The following SLC3A1 variants were observed in gnomAD, a reference collection of about 807,000 sequenced individuals.
SLC3A1 encodes the protein solute carrier family 3 member 1, also known as amino acid transporter heavy chain SLC3A1.
A neutral mutation model predicts 60.3 loss-of-function variants in SLC3A1; 78 were observed. The ratio of observed to expected loss-of-function variants is 1.29; its 90% confidence interval spans 1.08 to 1.56. SLC3A1 has a LOEUF of 1.56. Ranked by LOEUF, SLC3A1 falls within the 40% of genes most tolerant of loss-of-function variation. SLC3A1 has a pLI of 0.00. For missense variants in SLC3A1, 1,172 were observed against 858.9 expected (o/e 1.36, Z -4.56); for synonymous variants, 392 against 307.9 (o/e 1.27, Z -2.86).
At chr2:44,280,660 T>G in intron 1 of SLC3A1, 56 bp from the exon 2 acceptor site, 1 of 1,197,776 alleles carries the variant, frequency 8.3e-7, no homozygotes, top group Non-Finnish European at 1.2e-6. Flanking sequence ...TTATATTTTT[T>G]GTCCTTTAAC....
intron 9 of SLC3A1, chr2:44,319,249 A>G (rs780709367): frequency 2.6e-5 from 4 of 152,644 alleles, no homozygotes; most frequent in Non-Finnish European, 5.9e-5. Flanking sequence ...CATGGCTGGC[A>G]AGAATACAAT....
intron 8 of SLC3A1, among the ~76,000 whole-genome samples, chr2:44,313,534 A>G (rs1672349984): frequency 6.6e-6 from 1 of 152,238 alleles, no homozygotes; most frequent in African/African-American, 2.4e-5. Flanking sequence ...AACTGGCAAT[A>G]GCACATTTTG....
At chr2:44,276,666 G>C (rs1671348535) in intron 1 of SLC3A1, among the ~76,000 whole-genome samples, 1 of 151,672 alleles carries the variant, frequency 6.6e-6, no homozygotes, top group African/African-American at 2.4e-5. Context: ...CTCTCAGCCA[G>C]CCAGCTTAGG....
intron 7 of SLC3A1, among the ~76,000 whole-genome samples, chr2:44,311,094 C>T (rs999284045): frequency 6.6e-6 from 1 of 152,028 alleles, no homozygotes; most frequent in Non-Finnish European, 1.5e-5. Flanking sequence ...AGTGCCTGGC[C>T]TCATTCTTCT....
At chr2:44,307,965 A>G (rs2104376771) in intron 7 of SLC3A1, among the ~76,000 whole-genome samples, 1 of 152,216 alleles carries the variant, frequency 6.6e-6, no homozygotes, top group East Asian at 1.9e-4. Context: ...TTATCATGGA[A>G]TCTTTGTTGA....
rs754181253 is a variant in SLC3A1, at chr2:44,275,623, A to G, written c.88A>G (p.Ile30Val). The change falls in exon 1 of 10, where the codon ATT becomes GTT. Residue 30 changes from isoleucine to valine, a missense_variant. By Grantham distance (29) the Ile-to-Val change is conservative (BLOSUM62 3). Coordinates refer to ENST00000260649, the MANE Select transcript of SLC3A1 (RefSeq NM_000341.4). The stretch of plus-strand genomic sequence containing the variant: ...CAACGGGTTTGTCCATAATGAAGAC[A>G]TTCTGGAGCAGACCCCGGATCCAGG... ...TNNGFVHNED[I>V]LEQTPDPGSS... The G allele has an allele frequency of 5.6e-6, 9 of 1,614,128 alleles. No homozygotes were observed. Among genetic ancestry groups the G allele is most frequent in the South Asian group, 1.1e-5 (1 of 91,064 alleles).
intron 4 of SLC3A1, among the ~76,000 whole-genome samples, chr2:44,290,019 C>G (rs753049266): frequency 1.3e-5 from 2 of 151,980 alleles, no homozygotes; most frequent in African/African-American, 2.4e-5. Context: ...AAGATTTACT[C>G]CTATGTTTTC....
At chr2:44,276,543 A>G (rs909829301) in intron 1 of SLC3A1, among the ~76,000 whole-genome samples, 2 of 152,120 alleles carry the variant, frequency 1.3e-5, no homozygotes, top group African/African-American at 2.4e-5. Flanking sequence ...ATTGTTTAAA[A>G]CCATGTCCGT....
chr2:44,302,074 C>T (rs1672025291), intron 6 of SLC3A1, among the ~76,000 whole-genome samples: 1 of 151,878 alleles, frequency 6.6e-6, no homozygotes, highest in East Asian at 1.9e-4. Flanking sequence ...ATAAAAATAC[C>T]AGCTCCTTCT....
chr2:44,301,310 G>A (rs961781898), intron 6 of SLC3A1, 183 bp downstream of exon 6: 5 of 759,638 alleles, frequency 6.6e-6, no homozygotes, highest in Middle Eastern at 2.4e-4. Flanking sequence ...TTATTTTGCT[G>A]ACTTTCAGTT....
At chr2:44,311,502 C>T (rs1445359054) in intron 7 of SLC3A1, among the ~76,000 whole-genome samples, 14 of 152,046 alleles carry the variant, frequency 9.2e-5, no homozygotes, top group Admixed American at 9.2e-4. Context: ...TATGACAATT[C>T]TGGAAATCAC....
chr2:44,313,062 C>G (rs1045218706), intron 8 of SLC3A1, among the ~76,000 whole-genome samples: 7 of 152,130 alleles, frequency 4.6e-5, no homozygotes, highest in African/African-American at 1.7e-4. Flanking sequence ...TTGAGAGGCA[C>G]ACTAAAATTG....
chr2:44,275,942 A>T lies in SLC3A1; in HGVS notation c.407A>T (p.Lys136Met), dbSNP rs780092268. The T allele has an allele frequency of 8.7e-6, 14 of 1,614,210 alleles. No individual in the cohort carries two copies. In the South Asian group the frequency reaches 1.4e-4, roughly 16 times the overall value. Residue 136 changes from lysine to methionine, a missense_variant, in exon 1 of 10, where the codon AAG (lysine) becomes ATG (methionine). Coordinates refer to ENST00000260649, the MANE Select transcript of SLC3A1 (RefSeq NM_000341.4). Reference protein sequence around the residue: ...IYPRSFKDSNKDGNGDLKGIQ... With the variant: ...IYPRSFKDSNMDGNGDLKGIQ... ...CCAAGGTCTTTCAAGGACAGTAACAAGGATGGGAACGGAGATCTGAAAGGT... is the reference window on the plus strand; with the variant it reads ...CCAAGGTCTTTCAAGGACAGTAACATGGATGGGAACGGAGATCTGAAAGGT...
intron 4 of SLC3A1, among the ~76,000 whole-genome samples, chr2:44,288,660 T>G (rs1482832117): frequency 6.6e-6 from 1 of 152,226 alleles, no homozygotes; most frequent in Non-Finnish European, 1.5e-5. Flanking sequence ...CAACACTTGT[T>G]ATTGCATATA....
rs1672360885 is a variant in SLC3A1, at chr2:44,313,956, G to C, written c.1617+5G>C. ...TACCACACTGTGAATGTTGATGTAA[G>C]TATCAGTGAAAATTTTATGTTGATT... On this transcript the variant is annotated splice_donor_5th_base_variant and intron_variant, in intron 9 of 9. Coordinates refer to ENST00000260649, the MANE Select transcript of SLC3A1 (RefSeq NM_000341.4). The C allele has an allele frequency of 6.2e-7, 1 of 1,614,070 alleles. No homozygotes were observed. The highest frequency in any genetic ancestry group is 8.5e-7 in the Non-Finnish European group (1 of 1,179,978).
rs1270911864 is a variant in SLC3A1 at position 44,275,809 on chromosome 2, C to G, written c.274C>G (p.Leu92Val). The G allele has an allele frequency of 2.5e-6, 4 of 1,614,266 alleles. No homozygotes were observed. Among genetic ancestry groups the G allele is most frequent in the Admixed American group, 1.7e-5 (1 of 60,030 alleles). Reference protein sequence around the residue: ...YRIPREILFWLTVASVLVLIA... With the variant: ...YRIPREILFWVTVASVLVLIA... ...CATACCTCGGGAGATCCTCTTCTGG[C>G]TCACAGTGGCTTCTGTGCTGGTGCT... The change falls in exon 1 of 10, where the codon CTC becomes GTC. Residue 92 changes from leucine (L) to valine (V), a missense_variant. Leu to Val is a conservative substitution (Grantham distance 32). Transcript: ENST00000260649.
intron 7 of SLC3A1, among the ~76,000 whole-genome samples, chr2:44,310,819 G>C (rs1258757941): frequency 1.3e-5 from 2 of 150,348 alleles, no homozygotes; most frequent in African/African-American, 4.9e-5. Flanking sequence ...TTTTTTTTGA[G>C]ACAGGGTTTT....
rs780821343 is a variant in SLC3A1 at position 44,320,537 on chromosome 2, G to C, written c.1956G>C (p.Thr652=). 1 of 1,613,932 alleles carries C rather than the reference G, an allele frequency of 6.2e-7. No individual in the cohort carries two copies. Among genetic ancestry groups the C allele is most frequent in the African/African-American group, 1.3e-5 (1 of 74,920 alleles). Residue 652 remains threonine, a synonymous_variant, in exon 10 of 10, where the codon ACG becomes ACC. Transcript: ENST00000260649. Reference sequence around the variant, plus strand: ...AGGGACTCATCTTTGAACACAACACGAAGAATCTCCTTCATCGCCAAACAG... The same window carrying C: ...AGGGACTCATCTTTGAACACAACACCAAGAATCTCCTTCATCGCCAAACAG... ...KGEGLIFEHN[T]KNLLHRQTAF... is the part of the protein sequence containing the mutation.
Position 44,297,714 on chromosome 2 carries a change from G to A in SLC3A1, c.892-2257G>A, listed in dbSNP as rs557106619. On this transcript the variant is annotated intron_variant, in intron 4 of 9. Coordinates refer to ENST00000260649, the MANE Select transcript of SLC3A1 (RefSeq NM_000341.4). ...TTTCATGCTACAATTTGTTCACTAA[G>A]TACCAGGTGCTGTTTCAGAGGCCTA... is the stretch of plus-strand genomic sequence containing the variant. Among the ~76,000 whole-genome samples the A allele has an allele frequency of 4.6e-5, 7 of 152,214 alleles. No individual in the cohort carries two copies. The South Asian group carries it at 1.5e-3, about 32-fold the overall frequency.
Sources: gnomAD v4.1 joint callset for allele counts (sites outside exome capture counted in the v4.1 genomes callset) on GRCh38, gnomAD v4.1.1 for gene constraint, MANE v1.5 for transcripts, NCBI Gene and HGNC (gene_info 2026-07-23, HGNC 2026-07-21) for gene names.